The following CLDN16 variants were observed in gnomAD, a reference collection of about 807,000 sequenced individuals.
CLDN16 encodes the protein claudin-16.
A neutral mutation model predicts 24.6 loss-of-function variants in CLDN16; 13 were observed. The observed-to-expected ratio is 0.53, with a 90% CI of 0.34 to 0.84. The LOEUF is 0.84. CLDN16 is among the 40% of genes least tolerant of loss of function. The probability of loss-of-function intolerance (pLI) is 0.01; values close to 1 mark genes in which losing one functional copy is unlikely to be tolerated. For missense variants in CLDN16, 298 were observed against 292.7 expected, an observed-to-expected ratio of 1.02 and a Z score of -0.13; for synonymous variants, 116 against 106.7, an observed-to-expected ratio of 1.09 and a Z score of -0.54.
chr3:190,364,975 T>C (rs1167345904), intron 1 of CLDN16, among the ~76,000 whole-genome samples: 1 of 151,872 alleles, frequency 6.6e-6, no homozygotes, highest in Non-Finnish European at 1.5e-5. Flanking sequence ...AATGGATACT[T>C]GTTTTGAGAA....
chr3:190,327,064 G>A (rs1036890211), intron 1 of CLDN16, among the ~76,000 whole-genome samples: 2 of 152,174 alleles, frequency 1.3e-5, no homozygotes, highest in South Asian at 2.1e-4. Flanking sequence ...AGGAGAGAGA[G>A]AGAGAGGAAG....
upstream of CLDN16, among the ~76,000 whole-genome samples, chr3:190,320,774 G>A (rs1716896760): frequency 6.6e-6 from 1 of 152,132 alleles, no homozygotes; most frequent in Non-Finnish European, 1.5e-5. Flanking sequence ...GGGCCAGTGG[G>A]CAGTCACGTT....
At chr3:190,406,523 G>A (rs1719100516) in intron 3 of CLDN16, among the ~76,000 whole-genome samples, 1 of 152,024 alleles carries the variant, frequency 6.6e-6, no homozygotes, top group Non-Finnish European at 1.5e-5. Context: ...ATCCTGATAG[G>A]AATGACTGAA....
intron 1 of CLDN16, among the ~76,000 whole-genome samples, chr3:190,354,431 A>G (rs1246004720): frequency 6.6e-6 from 1 of 151,874 alleles, no homozygotes; most frequent in Non-Finnish European, 1.5e-5. Flanking sequence ...TTCATTTTTA[A>G]TTACTTTATA....
chr3:190,391,208 GT>G (rs57481102), intron 1 of CLDN16, among the ~76,000 whole-genome samples: 2,449 of 135,714 alleles, frequency 0.018, 53 homozygotes, highest in African/African-American at 0.056. Context: ...TACTTTTCCA[GT>G]TTTTTTTTTT....
At chr3:190,363,556 G>GCATA (rs1560088011) in intron 1 of CLDN16, among the ~76,000 whole-genome samples, 2 of 87,426 alleles carry the variant, frequency 2.3e-5, no homozygotes, top group African/African-American at 4.7e-5. Context: ...GTGTGTGTGT[G>GCATA]TATATATATA....
At chr3:190,393,434 A>C (rs1560095425) in intron 1 of CLDN16, among the ~76,000 whole-genome samples, 1 of 152,222 alleles carries the variant, frequency 6.6e-6, no homozygotes, top group Non-Finnish European at 1.5e-5. Context: ...ACTCTTAAAT[A>C]GCTATAAACC....
intron 1 of CLDN16, among the ~76,000 whole-genome samples, chr3:190,359,590 A>G (rs78125163): frequency 6.6e-6 from 1 of 152,168 alleles, no homozygotes; most frequent in African/African-American, 2.4e-5. Flanking sequence ...CATTAGTACT[A>G]AGTACAAAGA....
At chr3:190,391,560 C>G (rs1390048605) in intron 1 of CLDN16, among the ~76,000 whole-genome samples, 2 of 152,122 alleles carry the variant, frequency 1.3e-5, no homozygotes, top group Non-Finnish European at 2.9e-5. Context: ...TTGAGCAAAG[C>G]CTTGAAACGA....
At chr3:190,352,141 G>GTT (rs552144315) in intron 1 of CLDN16, among the ~76,000 whole-genome samples, 4 of 145,064 alleles carry the variant, frequency 2.8e-5, no homozygotes, top group Non-Finnish European at 3.0e-5. Flanking sequence ...AATTGAAAAA[G>GTT]TTTTTTTTTT....
At chr3:190,300,795 G>A in the CLDN16 span, among the ~76,000 whole-genome samples, 1 of 152,014 alleles carries the variant, frequency 6.6e-6, no homozygotes, top group African/African-American at 2.4e-5. Context: ...AAACTGACAC[G>A]TTTGGTTTCT....
At chr3:190,380,677 C>G (rs1256615204) in intron 3 of CLDN16, among the ~76,000 whole-genome samples, 2 of 151,930 alleles carry the variant, frequency 1.3e-5, no homozygotes, top group African/African-American at 2.4e-5. Context: ...ATGCATCTAA[C>G]AAAGGTTGAG....
chr3:190,341,679 A>G (rs186877404), intron 1 of CLDN16, among the ~76,000 whole-genome samples: 3 of 152,316 alleles, frequency 2.0e-5, no homozygotes, highest in South Asian at 4.1e-4. Flanking sequence ...GCAAATTTCT[A>G]TAGCCGGCTT....
At chr3:190,321,320 A>G (rs6764208), upstream of CLDN16, among the ~76,000 whole-genome samples, 11,256 of 152,168 alleles carry the variant, frequency 0.074, 558 homozygotes, top group East Asian at 0.14. Context: ...GTCAGCCTCT[A>G]CAGAAGACCT....
At chr3:190,335,512 A>G (rs1717280864) in intron 1 of CLDN16, among the ~76,000 whole-genome samples, 1 of 152,070 alleles carries the variant, frequency 6.6e-6, no homozygotes. Flanking sequence ...CAGGAGATCA[A>G]GACCATCCTG....
At chr3:190,349,214 T>C (rs1433180891) in intron 1 of CLDN16, among the ~76,000 whole-genome samples, 3 of 152,228 alleles carry the variant, frequency 2.0e-5, no homozygotes, top group South Asian at 4.2e-4. Flanking sequence ...TGGGAGGCGA[T>C]TGGATCATGG....
chr3:190,310,058 A>G, the CLDN16 span: 3 of 861,384 alleles, frequency 3.5e-6, no homozygotes, highest in South Asian at 1.4e-5. Context: ...TAGGTTTGAC[A>G]TAAAATTCTT....
intron 1 of CLDN16, among the ~76,000 whole-genome samples, chr3:190,331,517 GA>G (rs529993579): frequency 6.6e-6 from 1 of 152,100 alleles, no homozygotes; most frequent in Non-Finnish European, 1.5e-5. Context: ...TTTAATTAAT[GA>G]AAATTAAAAA....
At chr3:190,371,335 G>A (rs1718138241) in intron 2 of CLDN16, among the ~76,000 whole-genome samples, 1 of 151,822 alleles carries the variant, frequency 6.6e-6, no homozygotes, top group Non-Finnish European at 1.5e-5. Context: ...TCATACATAT[G>A]TGAGGGTTAT....
Sources: allele counts gnomAD v4.1 joint callset (sites outside exome capture counted in the v4.1 genomes callset), GRCh38; gene constraint gnomAD v4.1.1; transcripts MANE v1.5; gene names NCBI Gene and HGNC (gene_info 2026-07-23, HGNC 2026-07-21).